The following KIF15 variants were observed in gnomAD, a reference collection of about 807,000 sequenced individuals.
KIF15 encodes kinesin family member 15, also known as kinesin-like protein KIF15.
A neutral mutation model predicts 190.6 loss-of-function variants in KIF15; 140 were observed. The ratio of observed to expected loss-of-function variants is 0.73; its 90% CI spans 0.64 to 0.84. The LOEUF is 0.84. Among genes scored for constraint, KIF15 ranks in the 40% least tolerant of loss-of-function variants. The pLI is 0.00. For synonymous variants in KIF15, 528 were observed against 551.3 expected (o/e 0.96, Z 0.59); for missense variants, 1,372 against 1,584.4 (o/e 0.87, Z 2.28).
downstream of KIF15, among the ~76,000 whole-genome samples, chr3:44,853,576 A>G (rs956876148): frequency 6.6e-6 from 1 of 152,256 alleles, no homozygotes. Flanking sequence ...TAGGAGTAGA[A>G]TTACTGGGTT....
At chr3:44,826,528 T>C in intron 22 of KIF15, 68 bp downstream of exon 22, 1 of 1,085,790 alleles carries the variant, frequency 9.2e-7, no homozygotes, top group African/African-American at 1.6e-5. Flanking sequence ...TTAATCTTGT[T>C]TTTTTTTTAT....
chr3:44,804,921 T>C (rs950967281), intron 14 of KIF15, 106 bp from the exon 15 acceptor site: 30 of 1,220,202 alleles, frequency 2.5e-5, no homozygotes, highest in Non-Finnish European at 3.4e-5. Flanking sequence ...TTTAGTACAC[T>C]ATGATCATGC....
At chr3:44,764,418 A>G (rs1705298962) in intron 1 of KIF15, among the ~76,000 whole-genome samples, 1 of 152,052 alleles carries the variant, frequency 6.6e-6, no homozygotes, top group African/African-American at 2.4e-5. Context: ...ATTGTCCATC[A>G]TTGTATGTAG....
rs375460680 is a variant in KIF15, at chr3:44,798,142, T to TA, written c.1098+187dup. On this transcript the variant is annotated intron_variant, in intron 10 of 34. Coordinates refer to ENST00000326047, the MANE Select transcript of KIF15 (RefSeq NM_020242.3). ...GTAATTAGAGACCTAGGTTAGATCTTATGGTTGTTATTGCTTGACTAGTTT... is the reference window on the plus strand; with the variant it reads ...GTAATTAGAGACCTAGGTTAGATCTTAATGGTTGTTATTGCTTGACTAGTTT... 7.8e-3 allele frequency among the ~76,000 whole-genome samples: 1,179 copies of TA among 152,094 alleles called. 7 individuals carry two copies. Among genetic ancestry groups the TA allele is most frequent in the Non-Finnish European group, 0.011 (771 of 67,980 alleles).
At chr3:44,840,121 T>C (rs1187498870) in intron 27 of KIF15, among the ~76,000 whole-genome samples, 1 of 152,244 alleles carries the variant, frequency 6.6e-6, no homozygotes, top group Non-Finnish European at 1.5e-5. Flanking sequence ...TCACAATGGC[T>C]GTGCTAATTT....
chr3:44,852,731 C>T lies in KIF15; in HGVS notation c.4163C>T (p.Ser1388Phe). Residue 1388 changes from serine (S) to phenylalanine (F), a missense_variant, in exon 35 of 35, where the codon TCT becomes TTT. Transcript: ENST00000326047. Reference protein sequence around the residue: ...VFLKEKKRSES With the variant: ...VFLKEKKRSEF The stretch of plus-strand genomic sequence containing the variant: ...TTAAAAGAAAAGAAAAGAAGTGAAT[C>T]TTGAGGATTCCGGTCAGCTACCTAG... 6.3e-7 allele frequency: 1 copy of T among 1,597,908 alleles called. No individual in the cohort carries two copies. The highest frequency in any genetic ancestry group is 8.5e-7 in the Non-Finnish European group (1 of 1,174,750).
At chr3:44,853,536 C>G (rs147307200), downstream of KIF15, among the ~76,000 whole-genome samples, 3 of 152,312 alleles carry the variant, frequency 2.0e-5, no homozygotes, top group African/African-American at 7.2e-5. Flanking sequence ...ATGGTGTGGA[C>G]ATATATTTCA....
At chr3:44,839,689 C>T (rs955895667) in intron 27 of KIF15, among the ~76,000 whole-genome samples, 7 of 152,118 alleles carry the variant, frequency 4.6e-5, no homozygotes, top group African/African-American at 1.7e-4. Flanking sequence ...TGTCTCCTTC[C>T]ACCCCTCACT....
intron 15 of KIF15, among the ~76,000 whole-genome samples, 177 bp from the exon 16 acceptor site, chr3:44,805,668 A>C (rs1433675909): frequency 9.9e-5 from 15 of 152,216 alleles, no homozygotes; most frequent in Admixed American, 9.8e-4. Context: ...TCCCTTAAAC[A>C]GTCTCTGAGC....
At chr3:44,829,798 A>G (rs948242188) in intron 24 of KIF15, among the ~76,000 whole-genome samples, 173 bp from the exon 25 acceptor site, 1 of 144,386 alleles carries the variant, frequency 6.9e-6, no homozygotes, top group East Asian at 2.0e-4. Context: ...ATATGCATAT[A>G]TAATATATGT....
chr3:44,861,665 A>C (rs1699248286), intron 6 of KIF15, among the ~76,000 whole-genome samples: 1 of 152,250 alleles, frequency 6.6e-6, no homozygotes, highest in Admixed American at 6.5e-5. Flanking sequence ...CAGCGTCCAC[A>C]GTACCCGGCT....
At chr3:44,806,995 C>T (rs1054978506) in intron 16 of KIF15, among the ~76,000 whole-genome samples, 6 of 152,222 alleles carry the variant, frequency 3.9e-5, no homozygotes, top group African/African-American at 9.6e-5. Flanking sequence ...CTGCCTGCCT[C>T]GGCCTCCCAA....
At chr3:44,834,732 G>A (rs977027683) in intron 26 of KIF15, among the ~76,000 whole-genome samples, 1 of 151,366 alleles carries the variant, frequency 6.6e-6, no homozygotes, top group Non-Finnish European at 1.5e-5. Flanking sequence ...AGACCATCCT[G>A]GTTAACACGG....
chr3:44,809,502 G>A (rs1210290237), intron 16 of KIF15, among the ~76,000 whole-genome samples: 4 of 151,926 alleles, frequency 2.6e-5, no homozygotes, highest in Non-Finnish European at 4.4e-5. Flanking sequence ...AGGTGTTTGT[G>A]TATCCACTGT....
rs1343094787 is a variant in KIF15 at position 44,861,943 on chromosome 3, C to T, written c.*59+9149C>T. 5.6e-6 allele frequency: 8 copies of T among 1,419,220 alleles called. No homozygotes were observed. The highest frequency in any genetic ancestry group is 7.3e-6 in the Non-Finnish European group (8 of 1,089,588). 87.9% of individuals were successfully genotyped at this position (1,419,220 alleles called of 1,614,324 possible). ...AGGCAACATGGCCGAGAGGCCGGGG[C>T]CTCCGGGCGGCGCCGTGTCCGCGAC... On this transcript the variant is annotated intron_variant and NMD_transcript_variant, in intron 6 of 6. Coordinates refer to the KIF15 transcript ENST00000422209.
intron 6 of KIF15, chr3:44,864,937 A>G (rs1355136552): frequency 6.7e-7 from 1 of 1,497,150 alleles, no homozygotes; most frequent in Non-Finnish European, 9.1e-7. Flanking sequence ...TTCTGGCTCC[A>G]GACCTTTCCT....
chr3:44,810,751 T>C, intron 16 of KIF15, 95 bp from the exon 17 acceptor site: 2 of 992,960 alleles, frequency 2.0e-6, no homozygotes, highest in Non-Finnish European at 3.0e-6. Flanking sequence ...TTTTCATGAA[T>C]AGTATTTCAA....
Position 44,826,082 on chromosome 3 carries a change from G to C in KIF15, c.2593G>C (p.Asp865His). Residue 865 changes from aspartate to histidine, a missense_variant, in exon 21 of 35, where the codon GAT (aspartate) becomes CAT (histidine). Coordinates refer to ENST00000326047, the MANE Select transcript of KIF15 (RefSeq NM_020242.3). ...GCTTGAGAGCAAAGCCTGCCTACAG[G>C]ATTCCTATGACAACTTACAAGAAAT... Reference protein sequence around the residue: ...KLLESKACLQDSYDNLQEIMK... With the variant: ...KLLESKACLQHSYDNLQEIMK... The C allele has an allele frequency of 6.3e-7, 1 of 1,590,674 alleles. No individual in the cohort carries two copies. The highest frequency in any genetic ancestry group is 1.2e-5 in the South Asian group (1 of 85,340).
intron 30 of KIF15, 75 bp downstream of exon 30, chr3:44,843,309 G>A: frequency 1.1e-5 from 10 of 908,982 alleles, no homozygotes; most frequent in Non-Finnish European, 1.7e-5. Flanking sequence ...GTTGGAATTG[G>A]TTTCACAGGT....
Sources: allele counts gnomAD v4.1 joint callset (sites outside exome capture counted in the v4.1 genomes callset), GRCh38; gene constraint gnomAD v4.1.1; transcripts MANE v1.5; gene names NCBI Gene and HGNC (gene_info 2026-07-23, HGNC 2026-07-21).